CNTNAP2: variants seen among roughly 807,000 people sequenced by gnomAD.
The protein encoded by CNTNAP2 is contactin-associated protein-like 2.
A neutral mutation model predicts 155.2 loss-of-function variants in CNTNAP2; 98 were observed. That is an observed-to-expected ratio of 0.63 (90% CI 0.54 to 0.75). The LOEUF is 0.75. CNTNAP2 is among the 30% of genes least tolerant of loss of function. The pLI is 0.00. For missense variants in CNTNAP2, 1,727 were observed against 1,688.1 expected, an observed-to-expected ratio of 1.02 and a Z score of -0.40; for synonymous variants, 651 against 631.2, an observed-to-expected ratio of 1.03 and a Z score of -0.47.
chr7:147,266,444 T>C (rs1804609920), intron 8 of CNTNAP2, among the ~76,000 whole-genome samples: 1 of 152,210 alleles, frequency 6.6e-6, no homozygotes, highest in South Asian at 2.1e-4. Flanking sequence ...TCAGGGATCT[T>C]GGCAGGTGGA....
intron 1 of CNTNAP2, among the ~76,000 whole-genome samples, chr7:146,530,576 G>T (rs1166652024): frequency 6.6e-6 from 1 of 152,116 alleles, no homozygotes; most frequent in Non-Finnish European, 1.5e-5. Flanking sequence ...GACATGAACA[G>T]AATTTTCCAA....
chr7:146,761,368 G>C (rs1802096673), intron 1 of CNTNAP2, among the ~76,000 whole-genome samples: 1 of 152,046 alleles, frequency 6.6e-6, no homozygotes, highest in Non-Finnish European at 1.5e-5. Context: ...AAAAGAGAGG[G>C]AAGCAGACTA....
At chr7:146,223,790 TA>T (rs1401270112) in intron 1 of CNTNAP2, among the ~76,000 whole-genome samples, 1 of 152,178 alleles carries the variant, frequency 6.6e-6, no homozygotes, top group East Asian at 1.9e-4. Context: ...TTATTATTAA[TA>T]AAAAATAAAC....
chr7:146,700,096 G>A (rs1494453), intron 1 of CNTNAP2, among the ~76,000 whole-genome samples: 96,923 of 152,166 alleles, frequency 0.64, 35,446 homozygotes, highest in South Asian at 0.87. Flanking sequence ...CCTCTTGGAT[G>A]TAAAATGAAT....
intron 14 of CNTNAP2, among the ~76,000 whole-genome samples, chr7:147,920,298 G>A (rs1800249211): frequency 6.7e-6 from 1 of 148,894 alleles, no homozygotes; most frequent in African/African-American, 2.5e-5. Flanking sequence ...GGAGGTTGCA[G>A]TGAGCCGAGA....
chr7:147,328,491 C>T (rs535148846), intron 9 of CNTNAP2, among the ~76,000 whole-genome samples: 21 of 152,282 alleles, frequency 1.4e-4, no homozygotes, highest in South Asian at 8.3e-4. Flanking sequence ...TGTGCAAGGA[C>T]TGGGACGACT....
At chr7:148,330,645 CGGATGGAATGGATGGATGGAT>C (rs1444734369) in intron 21 of CNTNAP2, among the ~76,000 whole-genome samples, 3 of 121,186 alleles carry the variant, frequency 2.5e-5, no homozygotes, top group African/African-American at 9.9e-5. Flanking sequence ...ACGGAGTGGA[CGGATGGAATGGATGGATGGAT>C]GGATGGAGTA....
chr7:146,423,612 A>G (rs909667331), intron 1 of CNTNAP2, among the ~76,000 whole-genome samples: 3 of 152,204 alleles, frequency 2.0e-5, no homozygotes, highest in Non-Finnish European at 2.9e-5. Context: ...AACTAGTGAC[A>G]GTAACATATG....
intron 1 of CNTNAP2, among the ~76,000 whole-genome samples, chr7:146,235,240 T>C (rs1799453186): frequency 6.6e-6 from 1 of 151,976 alleles, no homozygotes; most frequent in East Asian, 1.9e-4. Flanking sequence ...TTTTTTTTAA[T>C]TGGGAATCTT....
At chr7:147,883,150 A>T (rs1178196751) in intron 13 of CNTNAP2, among the ~76,000 whole-genome samples, 1 of 152,104 alleles carries the variant, frequency 6.6e-6, no homozygotes, top group South Asian at 2.1e-4. Context: ...GCCTTGTGCT[A>T]GTTAGAAAAT....
At chr7:147,335,713 T>A (rs1412471734) in intron 9 of CNTNAP2, among the ~76,000 whole-genome samples, 1 of 152,178 alleles carries the variant, frequency 6.6e-6, no homozygotes, top group East Asian at 1.9e-4. Flanking sequence ...GATACTTATT[T>A]TTCTTAGAAA....
At chr7:147,652,042 C>T (rs967879530) in intron 13 of CNTNAP2, among the ~76,000 whole-genome samples, 7 of 152,198 alleles carry the variant, frequency 4.6e-5, no homozygotes, top group African/African-American at 1.7e-4. Context: ...TGAAGAAACT[C>T]ATCCTTACAG....
At position 147,047,348 on chromosome 7, in the gene CNTNAP2, G is replaced by C. The variant is rs149642775; in HGVS notation, c.550+3294G>C. On this transcript the variant is annotated intron_variant, in intron 4 of 23. Coordinates refer to ENST00000361727, the MANE Select transcript of CNTNAP2 (RefSeq NM_014141.6). ...ATATTAGCCAGGATGGTCTTGATTT[G>C]CTGACCTCATGATCCGCCCACCTGG... Among the ~76,000 whole-genome samples the C allele has an allele frequency of 6.6e-3, 927 of 139,612 alleles. 13 individuals are homozygous for C. The highest frequency in any genetic ancestry group is 0.023 in the African/African-American group (865 of 37,510). The allele number at this position is 139,612 out of a possible 152,430, so 91.6% of individuals were successfully genotyped here. A position where few individuals can be genotyped will look rare whatever the true frequency, so the allele number is the denominator to read the frequency against.
intron 18 of CNTNAP2, among the ~76,000 whole-genome samples, chr7:148,204,386 G>A (rs1795413785): frequency 6.6e-6 from 1 of 152,142 alleles, no homozygotes. Context: ...TACCTTCCTT[G>A]GTCAGGGCAA....
intron 13 of CNTNAP2, among the ~76,000 whole-genome samples, chr7:147,772,472 ATATATATAT>A (rs1797488600): frequency 7.7e-6 from 1 of 129,488 alleles, no homozygotes; most frequent in African/African-American, 3.1e-5. Context: ...ATATATATAT[ATATATATAT>A]ATACACACAC....
chr7:146,569,339 G>T (rs371560260), intron 1 of CNTNAP2, among the ~76,000 whole-genome samples: 1 of 152,154 alleles, frequency 6.6e-6, no homozygotes, highest in Admixed American at 6.5e-5. Flanking sequence ...TACTTCTAAT[G>T]TTGGAAGTCA....
At chr7:146,624,263 A>T (rs2129157207) in intron 1 of CNTNAP2, among the ~76,000 whole-genome samples, 1 of 152,130 alleles carries the variant, frequency 6.6e-6, no homozygotes, top group East Asian at 1.9e-4. Flanking sequence ...TTAAACTTTA[A>T]TAACGTCCAA....
intron 1 of CNTNAP2, among the ~76,000 whole-genome samples, chr7:146,388,357 C>T (rs983184626): frequency 6.6e-6 from 1 of 152,064 alleles, no homozygotes; most frequent in South Asian, 2.1e-4. Flanking sequence ...ATCACCTGAG[C>T]CCGGGAGGTT....
At chr7:146,792,840 A>T (rs550955900) in intron 2 of CNTNAP2, among the ~76,000 whole-genome samples, 1 of 151,912 alleles carries the variant, frequency 6.6e-6, no homozygotes, top group East Asian at 1.9e-4. Context: ...AATAATAATT[A>T]TTTTTTTTGA....
Sources: allele counts gnomAD v4.1 joint callset (sites outside exome capture counted in the v4.1 genomes callset), GRCh38; gene constraint gnomAD v4.1.1; transcripts MANE v1.5; gene names NCBI Gene and HGNC (gene_info 2026-07-23, HGNC 2026-07-21).